The following TACR3 variants were observed in gnomAD, a reference collection of about 807,000 sequenced individuals.
The protein encoded by TACR3 is tachykinin receptor 3, also known as neuromedin-K receptor.
In TACR3, 34 loss-of-function variants were observed where a neutral mutation model predicts 35.0. The observed-to-expected ratio is 0.97, with a 90% CI of 0.74 to 1.30. The LOEUF (loss-of-function observed/expected upper bound fraction) is 1.30, where lower values mean the gene tolerates loss of function less well. Among genes scored for constraint, TACR3 ranks in the 50% most tolerant of loss-of-function variants. The pLI is 0.00. For synonymous variants in TACR3, 233 were observed against 221.1 expected (o/e 1.05, Z -0.48); for missense variants, 558 against 591.7 (o/e 0.94, Z 0.59).
At chr4:103,637,336 A>C (rs1459173076) in intron 3 of TACR3, among the ~76,000 whole-genome samples, 1 of 152,116 alleles carries the variant, frequency 6.6e-6, no homozygotes, top group Non-Finnish European at 1.5e-5. Flanking sequence ...AACGACAAAA[A>C]CCACGTGATT....
chr4:103,701,563 T>C (rs2110223833), intron 1 of TACR3, among the ~76,000 whole-genome samples: 1 of 152,258 alleles, frequency 6.6e-6, no homozygotes, highest in African/African-American at 2.4e-5. Context: ...ATAGTACATA[T>C]GGAACCAAAA....
At position 103,639,153 on chromosome 4, in the gene TACR3, C is replaced by T. The variant is rs912725312; in HGVS notation, c.888+17041G>A. 1.9e-4 allele frequency among the ~76,000 whole-genome samples: 29 copies of T among 152,078 alleles called. 1 individual carries two copies. The highest frequency in any genetic ancestry group is 4.1e-4 in the South Asian group (2 of 4,820). On this transcript the variant is annotated intron_variant, in intron 3 of 4. Coordinates refer to ENST00000304883, the MANE Select transcript of TACR3 (RefSeq NM_001059.3). The stretch of plus-strand genomic sequence containing the variant: ...GACACATGCACACGTATGTTTATTG[C>T]GGCACTATTCACAATAGCAAAGACT...
At chr4:103,719,068 C>A (rs560258816) in intron 1 of TACR3, 60 bp downstream of exon 1, 3 of 1,604,496 alleles carry the variant, frequency 1.9e-6, no homozygotes, top group Non-Finnish European at 2.6e-6. Flanking sequence ...AATCTTATCC[C>A]ACCGCCCAGT....
chr4:103,643,265 T>C (rs562484850), intron 3 of TACR3, among the ~76,000 whole-genome samples: 2 of 152,006 alleles, frequency 1.3e-5, no homozygotes, highest in South Asian at 2.1e-4. Context: ...TAGTGGCTAC[T>C]GTGTTGGATA....
intron 2 of TACR3, among the ~76,000 whole-genome samples, chr4:103,657,568 G>A (rs564351141): frequency 1.3e-5 from 2 of 151,696 alleles, no homozygotes; most frequent in African/African-American, 2.4e-5. Context: ...GAGTAAAATA[G>A]AAAAATAAGT....
intron 1 of TACR3, among the ~76,000 whole-genome samples, chr4:103,705,293 G>C (rs867661932): frequency 6.6e-6 from 1 of 151,988 alleles, no homozygotes; most frequent in South Asian, 2.1e-4. Context: ...GTGTAAAAAT[G>C]CCTGTTTCAT....
intron 3 of TACR3, among the ~76,000 whole-genome samples, chr4:103,609,205 T>C (rs1724455885): frequency 6.6e-6 from 1 of 152,100 alleles, no homozygotes; most frequent in Non-Finnish European, 1.5e-5. Context: ...AAAAGATAGA[T>C]ATTTGTTGGC....
intron 1 of TACR3, among the ~76,000 whole-genome samples, chr4:103,711,144 A>G (rs1216187258): frequency 1.3e-5 from 2 of 152,226 alleles, no homozygotes; most frequent in African/African-American, 4.8e-5. Context: ...TCATTTTATG[A>G]GGCCAGCATC....
chr4:103,658,366 A>T lies in TACR3; in HGVS notation c.586T>A (p.Ser196Thr). 5.0e-6 allele frequency: 8 copies of T among 1,613,926 alleles called. No individual in the cohort carries two copies. Among genetic ancestry groups the T allele is most frequent in the Non-Finnish European group, 6.8e-6 (8 of 1,179,924 alleles). ...AIIDPLKPRL[S>T]ATATKIVIGS... The stretch of plus-strand genomic sequence containing the variant: ...ATGACAATCTTGGTTGCTGTAGCAG[A>T]CAGTCTGGGTTTCAAGGGATCAATA... Residue 196 changes from serine (S) to threonine (T), a missense_variant, in exon 2 of 5, where the codon TCT becomes ACT. Transcript: ENST00000304883.
intron 1 of TACR3, among the ~76,000 whole-genome samples, chr4:103,673,632 A>G (rs1191563870): frequency 6.6e-6 from 1 of 151,972 alleles, no homozygotes; most frequent in Non-Finnish European, 1.5e-5. Context: ...TATGGTGACT[A>G]TTGCCAAAAT....
At chr4:103,658,440 C>G (rs1578246520) in intron 1 of TACR3, 37 bp from the exon 2 acceptor site, 1 of 1,570,600 alleles carries the variant, frequency 6.4e-7, no homozygotes, top group Non-Finnish European at 8.8e-7. Flanking sequence ...CATTGGTTTT[C>G]TTTATAACAG....
intron 3 of TACR3, among the ~76,000 whole-genome samples, chr4:103,595,983 G>T (rs1377181805): frequency 1.4e-5 from 2 of 147,040 alleles, no homozygotes; most frequent in East Asian, 2.1e-4. Context: ...ACCCACCTAT[G>T]AGTGAGAATA....
At chr4:103,676,107 G>C (rs1726164837) in intron 1 of TACR3, among the ~76,000 whole-genome samples, 1 of 152,078 alleles carries the variant, frequency 6.6e-6, no homozygotes, top group Non-Finnish European at 1.5e-5. Context: ...TTCTAAATGA[G>C]CTACGAGAGG....
At chr4:103,624,942 C>T (rs1476490792) in intron 3 of TACR3, among the ~76,000 whole-genome samples, 1 of 151,744 alleles carries the variant, frequency 6.6e-6, no homozygotes, top group Non-Finnish European at 1.5e-5. Flanking sequence ...AATGGTCTTT[C>T]TGGATCAGAG....
chr4:103,664,611 T>C (rs186919127), intron 1 of TACR3, among the ~76,000 whole-genome samples: 2 of 152,320 alleles, frequency 1.3e-5, no homozygotes, highest in Non-Finnish European at 2.9e-5. Flanking sequence ...AAATACGGTC[T>C]GGCTACTCTC....
Position 103,589,637 on chromosome 4 carries a change from G to T in TACR3, c.*45C>A, listed in dbSNP as rs200219136. 6.2e-7 allele frequency: 1 copy of T among 1,607,512 alleles called. No individual in the cohort carries two copies. Among genetic ancestry groups the T allele is most frequent in the South Asian group, 1.1e-5 (1 of 90,858 alleles). ...AATAGGAGAATGGGGTCCTAGACTGGCACCATGATGGTCTCACACTAATCT... is the reference window on the plus strand; with the variant it reads ...AATAGGAGAATGGGGTCCTAGACTGTCACCATGATGGTCTCACACTAATCT... On this transcript the variant is annotated 3_prime_UTR_variant, in exon 5 of 5. Coordinates refer to ENST00000304883, the MANE Select transcript of TACR3 (RefSeq NM_001059.3).
intron 3 of TACR3, among the ~76,000 whole-genome samples, chr4:103,648,138 T>C (rs1000215610): frequency 6.6e-6 from 1 of 151,746 alleles, no homozygotes; most frequent in Non-Finnish European, 1.5e-5. Flanking sequence ...TAATTGGGAG[T>C]TCAATCAGCA....
intron 1 of TACR3, among the ~76,000 whole-genome samples, chr4:103,697,383 GTTATTTATTTATTTATTTGT>G (rs1326895782): frequency 5.4e-5 from 8 of 148,708 alleles, no homozygotes; most frequent in African/African-American, 2.0e-4. Flanking sequence ...GGGCACTTGT[GTTATTTATTTATTTATTTGT>G]TTATTTATTT....
intron 3 of TACR3, among the ~76,000 whole-genome samples, chr4:103,604,693 GA>G (rs974722779): frequency 6.6e-6 from 1 of 151,096 alleles, no homozygotes; most frequent in Non-Finnish European, 1.5e-5. Context: ...AAATTTACAA[GA>G]AAAAAAACAC....
Sources: gnomAD v4.1 joint callset for allele counts (sites outside exome capture counted in the v4.1 genomes callset) on GRCh38, gnomAD v4.1.1 for gene constraint, MANE v1.5 for transcripts, NCBI Gene and HGNC (gene_info 2026-07-23, HGNC 2026-07-21) for gene names.